EHBP1: variants seen among roughly 807,000 people sequenced by gnomAD.
EHBP1 encodes EH domain binding protein 1.
EHBP1 carries 55 observed loss-of-function variants against 144.0 expected under a neutral mutation model. The ratio of observed to expected loss-of-function variants is 0.38; its 90% CI spans 0.31 to 0.48. The LOEUF (loss-of-function observed/expected upper bound fraction) is 0.48, where lower values mean the gene tolerates loss of function less well. EHBP1 is among the 20% of genes least tolerant of loss of function. The pLI is 0.98. For missense variants in EHBP1, 1,200 were observed against 1,364.2 expected, an observed-to-expected ratio of 0.88 and a Z score of 1.90; for synonymous variants, 469 against 472.7, an observed-to-expected ratio of 0.99 and a Z score of 0.10.
intron 3 of EHBP1, among the ~76,000 whole-genome samples, chr2:62,760,851 A>T (rs940787243): frequency 5.3e-5 from 8 of 152,176 alleles, no homozygotes; most frequent in Non-Finnish European, 1.2e-4. Context: ...CCTTATCCAG[A>T]TCTGAATTAG....
At chr2:62,893,643 T>C (rs2052634384) in intron 10 of EHBP1, among the ~76,000 whole-genome samples, 1 of 152,214 alleles carries the variant, frequency 6.6e-6, no homozygotes, top group Non-Finnish European at 1.5e-5. Context: ...CAAAAATGAA[T>C]GAAGCAGAAA....
chr2:62,779,220 G>T (rs1320900226), intron 5 of EHBP1, among the ~76,000 whole-genome samples: 1 of 152,040 alleles, frequency 6.6e-6, no homozygotes, highest in Non-Finnish European at 1.5e-5. Context: ...TGGAAATGTG[G>T]CCCAGTTAAC....
intron 14 of EHBP1, among the ~76,000 whole-genome samples, chr2:62,969,388 A>G (rs957729046): frequency 6.6e-6 from 1 of 152,198 alleles, no homozygotes; most frequent in Non-Finnish European, 1.5e-5. Context: ...TAACACTGCA[A>G]AACAAATGCT....
rs1236180925 is a variant in EHBP1, at chr2:62,807,030, T to G, written c.313-19057T>G. On this transcript the variant is annotated intron_variant, in intron 5 of 22. Coordinates refer to ENST00000431489, the MANE Select transcript of EHBP1 (RefSeq NM_001142616.3). ...AGTTGGCAGTCCTTATTTGTGAGTT[T>G]TCTATCCTGCAAATACTGTGTTTTC... Among the ~76,000 whole-genome samples the G allele has an allele frequency of 2.0e-5, 3 of 152,200 alleles. No individual in the cohort carries two copies. The East Asian group carries it at 5.8e-4, about 29-fold the overall frequency.
intron 15 of EHBP1, among the ~76,000 whole-genome samples, chr2:62,989,946 TAA>T (rs1445478396): frequency 6.6e-6 from 1 of 152,206 alleles, no homozygotes; most frequent in African/African-American, 2.4e-5. Flanking sequence ...TAGCATTTAT[TAA>T]GAGTCTTATA....
At chr2:62,865,210 G>T (rs1310436918) in intron 9 of EHBP1, among the ~76,000 whole-genome samples, 1 of 152,096 alleles carries the variant, frequency 6.6e-6, no homozygotes, top group Non-Finnish European at 1.5e-5. Flanking sequence ...AGAATCTCTG[G>T]TTGGAATTCC....
chr2:62,966,925 A>C (rs763408815), intron 14 of EHBP1, among the ~76,000 whole-genome samples: 3 of 152,152 alleles, frequency 2.0e-5, no homozygotes, highest in Non-Finnish European at 4.4e-5. Context: ...ACTATTTGAC[A>C]AGATTTCTTA....
At chr2:62,903,128 T>G (rs2152952619) in intron 10 of EHBP1, among the ~76,000 whole-genome samples, 1 of 152,308 alleles carries the variant, frequency 6.6e-6, no homozygotes, top group South Asian at 2.1e-4. Context: ...ATGCTTCAAC[T>G]ATTAATAACT....
intron 1 of EHBP1, among the ~76,000 whole-genome samples, chr2:62,677,761 T>C (rs1024236081): frequency 6.6e-6 from 1 of 152,220 alleles, no homozygotes; most frequent in Non-Finnish European, 1.5e-5. Context: ...TCCTGGCTTA[T>C]TTCATTTAAC....
At chr2:63,016,165 G>C (rs2060476466) in intron 19 of EHBP1, among the ~76,000 whole-genome samples, 1 of 152,108 alleles carries the variant, frequency 6.6e-6, no homozygotes, top group Admixed American at 6.5e-5. Flanking sequence ...ACAATTTTCA[G>C]AGGCAATAAG....
At chr2:62,902,326 A>C (rs911274037) in intron 10 of EHBP1, among the ~76,000 whole-genome samples, 1 of 152,172 alleles carries the variant, frequency 6.6e-6, no homozygotes, top group African/African-American at 2.4e-5. Context: ...GGGAGTGTCT[A>C]TGAGGGGAGG....
chr2:62,705,403 T>A (rs904876575), upstream of EHBP1, among the ~76,000 whole-genome samples: 7 of 151,940 alleles, frequency 4.6e-5, no homozygotes, highest in Non-Finnish European at 8.8e-5. Flanking sequence ...TGCAGTTCAC[T>A]ATAAACACTC....
intron 5 of EHBP1, among the ~76,000 whole-genome samples, chr2:62,813,015 T>C (rs182301176): frequency 2.6e-5 from 4 of 152,170 alleles, no homozygotes; most frequent in Non-Finnish European, 4.4e-5. Flanking sequence ...ATCAAGATAA[T>C]GAGAGAATAA....
chr2:62,729,615 TAAATAAAATA>T (rs1307512493), intron 2 of EHBP1, among the ~76,000 whole-genome samples: 3,181 of 134,854 alleles, frequency 0.024, 135 homozygotes, highest in South Asian at 0.18. Context: ...AATATAATAA[TAAATAAAATA>T]AAATAAAATA....
intron 19 of EHBP1, among the ~76,000 whole-genome samples, chr2:63,026,832 T>A (rs2153321137): frequency 6.6e-6 from 1 of 152,334 alleles, no homozygotes; most frequent in Middle Eastern, 3.4e-3. Flanking sequence ...AATGGTATGC[T>A]GCTCTGACAT....
intron 10 of EHBP1, among the ~76,000 whole-genome samples, chr2:62,879,429 A>G (rs557395650): frequency 6.6e-6 from 1 of 152,298 alleles, no homozygotes; most frequent in East Asian, 1.9e-4. Flanking sequence ...AAAAAGCTTC[A>G]GTAAGGTTTC....
intron 18 of EHBP1, among the ~76,000 whole-genome samples, chr2:62,995,693 A>G (rs962980668): frequency 6.6e-5 from 10 of 152,022 alleles, no homozygotes; most frequent in African/African-American, 2.4e-4. Context: ...TTTCTTAGCT[A>G]ATTAGATCTC....
rs1258897915 is a variant in EHBP1 at position 63,042,521 on chromosome 2, T to G, written c.3278-2545T>G. On this transcript the variant is annotated intron_variant, in intron 21 of 22. Coordinates refer to ENST00000431489, the MANE Select transcript of EHBP1 (RefSeq NM_001142616.3). ...AATATTTTAAAAACCTATAAATTTA[T>G]GCTGGGATATTTTAAATTCTAATGT... Among the ~76,000 whole-genome samples the G allele has an allele frequency of 2.0e-5, 3 of 152,086 alleles. No individual in the cohort carries two copies. The South Asian group carries it at 6.2e-4, about 31-fold the overall frequency.
intron 4 of EHBP1, among the ~76,000 whole-genome samples, chr2:62,768,666 A>G (rs912303704): frequency 1.1e-4 from 16 of 152,200 alleles, no homozygotes; most frequent in South Asian, 4.1e-4. Context: ...AACTCATTCT[A>G]TGAGGTCAGC....
Sources: gnomAD v4.1 joint callset for allele counts (sites outside exome capture counted in the v4.1 genomes callset) on GRCh38, gnomAD v4.1.1 for gene constraint, MANE v1.5 for transcripts, NCBI Gene and HGNC (gene_info 2026-07-23, HGNC 2026-07-21) for gene names.